The following LHFPL6 variants were observed in gnomAD, a reference collection of about 807,000 sequenced individuals.
LHFPL6 encodes the protein LHFPL tetraspan subfamily member 6 protein.
LHFPL6 carries 9 observed loss-of-function variants against 20.6 expected under a neutral mutation model. That is an observed-to-expected ratio of 0.44 (90% confidence interval 0.26 to 0.76). LHFPL6 has a LOEUF of 0.76. Among genes scored for constraint, LHFPL6 ranks in the 30% least tolerant of loss-of-function variants. The pLI, the probability that LHFPL6 is intolerant of heterozygous loss-of-function variation, is 0.20. For synonymous variants in LHFPL6, 105 were observed against 98.7 expected, an observed-to-expected ratio of 1.06 and a Z score of -0.38; for missense variants, 218 against 253.5, an observed-to-expected ratio of 0.86 and a Z score of 0.95.
chr13:39,373,407 C>G (rs1429171854), intron 3 of LHFPL6, among the ~76,000 whole-genome samples: 1 of 152,204 alleles, frequency 6.6e-6, no homozygotes, highest in Non-Finnish European at 1.5e-5. Flanking sequence ...CAAGATGCCT[C>G]TAGACTCACT....
At chr13:39,507,263 A>G (rs1450206388) in intron 2 of LHFPL6, among the ~76,000 whole-genome samples, 1 of 152,200 alleles carries the variant, frequency 6.6e-6, no homozygotes, top group African/African-American at 2.4e-5. Context: ...TGTGGCCCAC[A>G]TGAAATCAGG....
At chr13:39,448,253 C>T (rs1025362941) in intron 2 of LHFPL6, among the ~76,000 whole-genome samples, 2 of 152,190 alleles carry the variant, frequency 1.3e-5, no homozygotes, top group Non-Finnish European at 2.9e-5. Flanking sequence ...GTTAAATATG[C>T]TCTTGTCTAT....
At chr13:39,406,149 T>C (rs953774133) in intron 2 of LHFPL6, among the ~76,000 whole-genome samples, 1 of 152,172 alleles carries the variant, frequency 6.6e-6, no homozygotes, top group African/African-American at 2.4e-5. Context: ...TCTTTTCCAA[T>C]AGGGGCTTGA....
intron 2 of LHFPL6, among the ~76,000 whole-genome samples, chr13:39,426,906 A>G (rs1204341642): frequency 2.0e-5 from 3 of 152,112 alleles, no homozygotes; most frequent in Non-Finnish European, 4.4e-5. Context: ...ACATTTAGGT[A>G]TTGACCAATT....
At chr13:39,592,840 T>A (rs1872652715) in intron 2 of LHFPL6, among the ~76,000 whole-genome samples, 2 of 152,088 alleles carry the variant, frequency 1.3e-5, no homozygotes, top group Non-Finnish European at 2.9e-5. Context: ...ATAAACGTAA[T>A]CCAGCATATA....
intron 3 of LHFPL6, among the ~76,000 whole-genome samples, chr13:39,370,335 G>T (rs138287296): frequency 1.3e-5 from 2 of 152,296 alleles, no homozygotes; most frequent in East Asian, 3.9e-4. Context: ...CTGTGCTAGA[G>T]CTCTGGGTGA....
chr13:39,564,720 G>A (rs1204605062), intron 2 of LHFPL6, among the ~76,000 whole-genome samples: 2 of 152,164 alleles, frequency 1.3e-5, no homozygotes, highest in Admixed American at 1.3e-4. Flanking sequence ...AAAGCTGATG[G>A]AAGAATTAAG....
At chr13:39,580,839 A>T (rs1028075047) in intron 2 of LHFPL6, among the ~76,000 whole-genome samples, 2 of 152,242 alleles carry the variant, frequency 1.3e-5, no homozygotes, top group African/African-American at 4.8e-5. Flanking sequence ...CAGAACCAGG[A>T]AACTGATGAA....
chr13:39,379,347 A>G (rs1870377942), intron 2 of LHFPL6, among the ~76,000 whole-genome samples: 1 of 152,206 alleles, frequency 6.6e-6, no homozygotes, highest in African/African-American at 2.4e-5. Flanking sequence ...TCTGAAAGTA[A>G]GATCTTGTTG....
At chr13:39,458,906 C>A (rs1431330208) in intron 2 of LHFPL6, among the ~76,000 whole-genome samples, 2 of 152,108 alleles carry the variant, frequency 1.3e-5, no homozygotes, top group African/African-American at 4.8e-5. Flanking sequence ...TGAAGAATTA[C>A]TTTCCAGATG....
At chr13:39,438,080 G>A (rs1296082652) in intron 2 of LHFPL6, among the ~76,000 whole-genome samples, 1 of 152,192 alleles carries the variant, frequency 6.6e-6, no homozygotes, top group East Asian at 1.9e-4. Context: ...GTATTAAATT[G>A]TTGTGACCAA....
intron 2 of LHFPL6, among the ~76,000 whole-genome samples, chr13:39,406,754 A>G (rs1280566070): frequency 6.6e-6 from 1 of 152,258 alleles, no homozygotes; most frequent in Non-Finnish European, 1.5e-5. Context: ...AAAGCATTTA[A>G]TATTATGGGG....
chr13:39,361,768 C>T (rs563114048), intron 3 of LHFPL6, among the ~76,000 whole-genome samples: 27 of 152,202 alleles, frequency 1.8e-4, no homozygotes, highest in Non-Finnish European at 3.1e-4. Flanking sequence ...TAAAATATAT[C>T]GGTATAAGGT....
At chr13:39,509,535 A>AT (rs1338402509) in intron 2 of LHFPL6, among the ~76,000 whole-genome samples, 33 of 151,838 alleles carry the variant, frequency 2.2e-4, no homozygotes, top group Non-Finnish European at 4.3e-4. Context: ...TTTAAATTTG[A>AT]TTTTTTTATT....
chr13:39,398,761 T>G (rs1443817015), intron 2 of LHFPL6, among the ~76,000 whole-genome samples: 1 of 152,242 alleles, frequency 6.6e-6, no homozygotes, highest in African/African-American at 2.4e-5. Context: ...GAGCTCCGCA[T>G]CCTGTCAGAT....
chr13:39,592,695 C>T (rs541632804), intron 2 of LHFPL6, among the ~76,000 whole-genome samples: 14 of 152,290 alleles, frequency 9.2e-5, no homozygotes, highest in Admixed American at 2.0e-4. Flanking sequence ...ACCAATATCC[C>T]TGATGAACAT....
intron 2 of LHFPL6, among the ~76,000 whole-genome samples, chr13:39,468,024 T>G (rs891598117): frequency 2.0e-5 from 3 of 152,190 alleles, no homozygotes; most frequent in Non-Finnish European, 4.4e-5. Flanking sequence ...GAAGCCTTCC[T>G]CTTTTGCCCC....
intron 2 of LHFPL6, among the ~76,000 whole-genome samples, chr13:39,393,864 T>C (rs1870772253): frequency 6.6e-6 from 1 of 152,170 alleles, no homozygotes; most frequent in African/African-American, 2.4e-5. Flanking sequence ...CAAATAGCCA[T>C]TTTTCACGGT....
chr13:39,546,249 C>A (rs998234666), intron 2 of LHFPL6, among the ~76,000 whole-genome samples: 2 of 151,968 alleles, frequency 1.3e-5, no homozygotes, highest in African/African-American at 2.4e-5. Context: ...CGCCATAGAC[C>A]GACCCTTAAT....
Sources: gnomAD v4.1 joint callset for allele counts (sites outside exome capture counted in the v4.1 genomes callset) on GRCh38, gnomAD v4.1.1 for gene constraint, MANE v1.5 for transcripts, NCBI Gene and HGNC (gene_info 2026-07-23, HGNC 2026-07-21) for gene names.